ANKRD33B: variants seen among roughly 807,000 people sequenced by gnomAD.
ANKRD33B encodes the protein ankyrin repeat domain-containing protein 33B.
A neutral mutation model predicts 21.5 loss-of-function variants in ANKRD33B; 6 were observed. That is an observed-to-expected ratio of 0.28 (90% confidence interval 0.15 to 0.55). The LOEUF (loss-of-function observed/expected upper bound fraction) is 0.55, where lower values mean the gene tolerates loss of function less well. Ranked by LOEUF, ANKRD33B falls within the 20% of genes least tolerant of loss-of-function variation. The pLI is 0.94. For synonymous variants in ANKRD33B, 347 were observed against 342.4 expected, an observed-to-expected ratio of 1.01 and a Z score of -0.15; for missense variants, 698 against 747.2, an observed-to-expected ratio of 0.93 and a Z score of 0.77.
At chr5:10,586,184 C>G (rs1735555257) in intron 1 of ANKRD33B, among the ~76,000 whole-genome samples, 1 of 151,666 alleles carries the variant, frequency 6.6e-6, no homozygotes, top group African/African-American at 2.4e-5. Context: ...CCAGGACTCC[C>G]CCACCTATAC....
At chr5:10,579,833 C>G (rs1272838143) in intron 1 of ANKRD33B, among the ~76,000 whole-genome samples, 1 of 152,068 alleles carries the variant, frequency 6.6e-6, no homozygotes, top group Non-Finnish European at 1.5e-5. Flanking sequence ...TGTATTGATA[C>G]AGAATTCACA....
Position 10,652,500 on chromosome 5 carries a change from ATTCCTG to A in ANKRD33B, c.*2388_*2393del, listed in dbSNP as rs201672262. The A allele has an allele frequency of 6.0e-3, 923 of 152,682 alleles. 44 individuals are homozygous for A. In the East Asian group the frequency reaches 0.13, roughly 21 times the overall value. 9.5% of individuals were successfully genotyped at this position (152,682 alleles called of 1,614,324 possible). A position where few individuals can be genotyped will look rare whatever the true frequency, so the allele number is the denominator to read the frequency against. On this transcript the variant is annotated 3_prime_UTR_variant, in exon 4 of 4. Transcript: ENST00000296657. This position sits in a 1 kb window ranked among gnomAD's most constrained non-coding sequence, Gnocchi z 4.1. ...TCTGACCCTTGGTGGGTTGCCAGAC[ATTCCTG>A]CCTGTTTCCACCATGGGAAGCTGTC... is the stretch of plus-strand genomic sequence containing the variant.
chr5:10,588,843 G>A (rs1258078007), intron 1 of ANKRD33B, among the ~76,000 whole-genome samples: 11 of 152,164 alleles, frequency 7.2e-5, no homozygotes, highest in Non-Finnish European at 1.6e-4. Flanking sequence ...TGCTTGTTCT[G>A]CTGCACAGTC....
At chr5:10,578,678 G>A (rs190182316) in intron 1 of ANKRD33B, among the ~76,000 whole-genome samples, 4 of 152,150 alleles carry the variant, frequency 2.6e-5, no homozygotes, top group East Asian at 3.9e-4. Flanking sequence ...GAGAAGCTAC[G>A]GTCAATTTCT....
At chr5:10,647,598 T>G (rs1737217740) in intron 3 of ANKRD33B, among the ~76,000 whole-genome samples, 1 of 151,582 alleles carries the variant, frequency 6.6e-6, no homozygotes, top group African/African-American at 2.4e-5. Context: ...GTGACTAGTG[T>G]CAGGGAGACT....
At chr5:10,585,905 C>T (rs1735547013) in intron 1 of ANKRD33B, among the ~76,000 whole-genome samples, 1 of 152,188 alleles carries the variant, frequency 6.6e-6, no homozygotes, top group Non-Finnish European at 1.5e-5. Flanking sequence ...CAGTCCTTCG[C>T]CCATCCCAGA....
In ANKRD33B at chr5:10,571,839, C is replaced by G. The variant is rs535605350; in HGVS notation, c.366+7006C>G. Reference sequence around the variant, plus strand: ...AAGTCCAAGTGCCCAGGCCACATCTCAGAATTAAGTGAGAATCTGAGGGTA... The same window carrying G: ...AAGTCCAAGTGCCCAGGCCACATCTGAGAATTAAGTGAGAATCTGAGGGTA... On this transcript the variant is annotated intron_variant, in intron 1 of 3. Transcript: ENST00000296657. Among the ~76,000 whole-genome samples the G allele has an allele frequency of 2.8e-4, 43 of 151,716 alleles. 1 individual carries two copies. The South Asian group carries it at 8.7e-3, about 31-fold the overall frequency.
Position 10,650,110 on chromosome 5 carries a change from G to A in ANKRD33B, c.1482G>A (p.Thr494=). 1.3e-6 allele frequency: 2 copies of A among 1,506,364 alleles called. No individual in the cohort carries two copies. The highest frequency in any genetic ancestry group is 1.2e-5 in the South Asian group (1 of 81,530). 93.3% of individuals were successfully genotyped at this position (1,506,364 alleles called of 1,614,324 possible). A position where few individuals can be genotyped will look rare whatever the true frequency, so the allele number is the denominator to read the frequency against. ...GCACTGCGCCCTGGAAGAAGAGGACGTGAGGGCCCGTGTGCCTGGCGCTGG... is the reference window on the plus strand; with the variant it reads ...GCACTGCGCCCTGGAAGAAGAGGACATGAGGGCCCGTGTGCCTGGCGCTGG... ...ERRTAPWKKR[T] The change falls in exon 4 of 4, where the codon ACG becomes ACA. Residue 494 remains threonine (T), a synonymous_variant. Coordinates refer to ENST00000296657, the MANE Select transcript of ANKRD33B (RefSeq NM_001164440.2).
At chr5:10,584,965 C>T (rs1735523093) in intron 1 of ANKRD33B, among the ~76,000 whole-genome samples, 1 of 152,200 alleles carries the variant, frequency 6.6e-6, no homozygotes, top group South Asian at 2.1e-4. Context: ...AGGAAAGAGC[C>T]TTCCAGGCTG....
rs193043007 is a variant in ANKRD33B at position 10,624,135 on chromosome 5, T to C, written c.496+5673T>C. On this transcript the variant is annotated intron_variant, in intron 2 of 3. Transcript: ENST00000296657. ...TTTCGTTCTTTCTTTCTTTTCTTTT[T>C]TTTTTTTTTTTTGAGTCTGAGTCTT... Among the ~76,000 whole-genome samples, 842 of 149,186 alleles carry C rather than the reference T, an allele frequency of 5.6e-3. 8 individuals carry two copies. Among genetic ancestry groups the C allele is most frequent in the African/African-American group, 0.019 (773 of 40,892 alleles).
chr5:10,642,076 A>G (rs1277063677), intron 3 of ANKRD33B, among the ~76,000 whole-genome samples: 1 of 152,220 alleles, frequency 6.6e-6, no homozygotes, highest in Non-Finnish European at 1.5e-5. Flanking sequence ...TTATGATGTC[A>G]GTCACATCAC....
rs1044304186 is a variant in ANKRD33B at position 10,654,938 on chromosome 5, C to T, written c.*4825C>T. The stretch of plus-strand genomic sequence containing the variant: ...CGATGTGCAGAGGCTGCCCCTTGGC[C>T]GCACTTGGGAACATCGTGGACATCT... On this transcript the variant is annotated 3_prime_UTR_variant, in exon 4 of 4. Coordinates refer to ENST00000296657, the MANE Select transcript of ANKRD33B (RefSeq NM_001164440.2). 4 of 152,430 alleles carry T rather than the reference C, an allele frequency of 2.6e-5. No homozygotes were observed. Among genetic ancestry groups the T allele is most frequent in the African/African-American group, 4.8e-5 (2 of 41,446 alleles). The allele number at this position is 152,430 out of a possible 1,614,324, so 9.4% of individuals were successfully genotyped here.
intron 1 of ANKRD33B, among the ~76,000 whole-genome samples, chr5:10,602,869 G>A (rs1204672822): frequency 6.6e-6 from 1 of 150,680 alleles, no homozygotes; most frequent in Non-Finnish European, 1.5e-5. Flanking sequence ...TTGGAGTGCA[G>A]TGGCATGATC....
chr5:10,566,727 G>A (rs1297647435), intron 1 of ANKRD33B, among the ~76,000 whole-genome samples: 1 of 152,250 alleles, frequency 6.6e-6, no homozygotes, highest in Non-Finnish European at 1.5e-5. Context: ...CCACACAGCA[G>A]AGAGGCAGGG....
intron 2 of ANKRD33B, among the ~76,000 whole-genome samples, chr5:10,624,130 C>CTTTTTTTTTTTTTT (rs60575071): frequency 1.5e-5 from 2 of 134,310 alleles, no homozygotes; most frequent in Non-Finnish European, 3.2e-5. Flanking sequence ...TCTTTCTTTT[C>CTTTTTTTTTTTTTT]TTTTTTTTTT....
At chr5:10,637,422 T>A (rs1354787133) in intron 2 of ANKRD33B, among the ~76,000 whole-genome samples, 2 of 54,942 alleles carry the variant, frequency 3.6e-5, no homozygotes, top group East Asian at 1.2e-3. Context: ...GCGTAGGTAG[T>A]TAGACACACA....
chr5:10,621,334 T>C (rs1736415944), intron 2 of ANKRD33B, among the ~76,000 whole-genome samples: 1 of 152,202 alleles, frequency 6.6e-6, no homozygotes, highest in African/African-American at 2.4e-5. Flanking sequence ...TAAATGTTAT[T>C]GCTTCTAGGC....
intron 1 of ANKRD33B, among the ~76,000 whole-genome samples, chr5:10,584,058 G>C (rs1338621322): frequency 6.6e-6 from 1 of 152,202 alleles, no homozygotes; most frequent in African/African-American, 2.4e-5. Flanking sequence ...AGTGGTGGCA[G>C]CTGCCACCTG....
At chr5:10,578,985 G>A (rs983381358) in intron 1 of ANKRD33B, among the ~76,000 whole-genome samples, 8 of 151,922 alleles carry the variant, frequency 5.3e-5, no homozygotes, top group South Asian at 4.2e-4. Flanking sequence ...GCAACATGGC[G>A]AAACCCCATC....
Sources: allele counts gnomAD v4.1 joint callset (sites outside exome capture counted in the v4.1 genomes callset), GRCh38; gene constraint gnomAD v4.1.1; non-coding constraint Gnocchi (gnomAD v3.1); transcripts MANE v1.5; gene names NCBI Gene and HGNC (gene_info 2026-07-23, HGNC 2026-07-21).